Variants in SDK1 observed in about 807,000 individuals in gnomAD.
SDK1 encodes protein sidekick-1.
Under a neutral mutation model 245.5 loss-of-function variants are expected in SDK1, and 157 were observed. That is an observed-to-expected ratio of 0.64 (90% CI 0.56 to 0.73). The LOEUF (loss-of-function observed/expected upper bound fraction) is 0.73, where lower values mean the gene tolerates loss of function less well. Ranked by LOEUF, SDK1 falls within the 30% of genes least tolerant of loss-of-function variation. The pLI is 0.00. For missense variants in SDK1, 3,583 were observed against 3,002.3 expected, an observed-to-expected ratio of 1.19 and a Z score of -4.52; for synonymous variants, 1,647 against 1,278.5, an observed-to-expected ratio of 1.29 and a Z score of -6.15.
intron 1 of SDK1, among the ~76,000 whole-genome samples, chr7:3,488,144 G>A (rs189331205): frequency 6.6e-6 from 1 of 152,122 alleles, no homozygotes; most frequent in African/African-American, 2.4e-5. Context: ...TGCCATTGCT[G>A]TGTGTTTTCC....
chr7:3,554,735 T>G lies in SDK1; in HGVS notation c.299-64345T>G, dbSNP rs117834813. Among the ~76,000 whole-genome samples, 332 of 152,284 alleles carry G rather than the reference T, an allele frequency of 2.2e-3. 2 individuals carry two copies. Among genetic ancestry groups the G allele is most frequent in the Non-Finnish European group, 3.7e-3 (254 of 68,008 alleles). ...AAATATAACTGATAAACAAATTCAT[T>G]ATAGTTGCTGAATACAAAATTAACA... On this transcript the variant is annotated intron_variant, in intron 1 of 44. Coordinates refer to ENST00000404826, the MANE Select transcript of SDK1 (RefSeq NM_152744.4).
At chr7:3,833,285 G>A (rs12537696) in intron 5 of SDK1, among the ~76,000 whole-genome samples, 28,523 of 152,058 alleles carry the variant, frequency 0.19, 2,834 homozygotes, top group Middle Eastern at 0.35. Flanking sequence ...GTAGTTTGCT[G>A]TTTCACTGAT....
chr7:3,552,325 G>A (rs932711632), intron 1 of SDK1, among the ~76,000 whole-genome samples: 1 of 152,156 alleles, frequency 6.6e-6, no homozygotes, highest in South Asian at 2.1e-4. Context: ...ACAGGTGTGA[G>A]CCACCGCGCC....
At chr7:4,207,362 A>G (rs910804623) in intron 36 of SDK1, among the ~76,000 whole-genome samples, 4 of 152,326 alleles carry the variant, frequency 2.6e-5, no homozygotes. Flanking sequence ...GGTCGGAGGT[A>G]GCAGTGGTTT....
chr7:3,594,391 A>G (rs1026491265), intron 1 of SDK1, among the ~76,000 whole-genome samples: 3 of 152,212 alleles, frequency 2.0e-5, no homozygotes, highest in Admixed American at 6.5e-5. Flanking sequence ...TTTGGCTATC[A>G]TGAATAATGC....
At chr7:3,979,774 T>G (rs1783251441) in intron 13 of SDK1, among the ~76,000 whole-genome samples, 1 of 152,234 alleles carries the variant, frequency 6.6e-6, no homozygotes, top group Non-Finnish European at 1.5e-5. Flanking sequence ...TGACTTCATA[T>G]TCCCCAAAGC....
In SDK1 at chr7:3,336,031, A is replaced by G. The variant is rs1440821393; in HGVS notation, c.298+34147A>G. On this transcript the variant is annotated intron_variant, in intron 1 of 44. Transcript: ENST00000404826. ...CCACATGTCTAGTACAGGGCACTGC[A>G]GAAGCCTCCATCCCTGAACCACCAG... Among the ~76,000 whole-genome samples, 4 of 152,166 alleles carry G rather than the reference A, an allele frequency of 2.6e-5. 1 individual carries two copies. Among genetic ancestry groups the G allele is most frequent in the Admixed American group, 1.3e-4 (2 of 15,280 alleles).
intron 4 of SDK1, among the ~76,000 whole-genome samples, chr7:3,784,786 CTA>C (rs770293956): frequency 6.6e-6 from 1 of 152,204 alleles, no homozygotes; most frequent in Non-Finnish European, 1.5e-5. Flanking sequence ...TTGTGGAAAA[CTA>C]TGTGGAGATT....
intron 38 of SDK1, among the ~76,000 whole-genome samples, chr7:4,217,903 G>A (rs1041171568): frequency 6.6e-6 from 1 of 151,982 alleles, no homozygotes; most frequent in East Asian, 1.9e-4. Context: ...TTTGCTCCAG[G>A]GAGAAGGAAG....
chr7:3,580,042 A>T (rs1037259259), intron 1 of SDK1, among the ~76,000 whole-genome samples: 1 of 152,318 alleles, frequency 6.6e-6, no homozygotes, highest in South Asian at 2.1e-4. Flanking sequence ...CCCATTCTCA[A>T]TAGCCACAAA....
rs1177943410 is a variant in SDK1, at chr7:3,723,943, T to TATAGAG, written c.713+81839_713+81840insTAGAGA. On this transcript the variant is annotated intron_variant, in intron 4 of 44. Transcript: ENST00000404826. ...ATACACGTATATATATATATATATA[T>TATAGAG]AGAGAGAGAGAGAGAGAGAGAGAGA... Among the ~76,000 whole-genome samples, 11 of 89,692 alleles carry TATAGAG rather than the reference T, an allele frequency of 1.2e-4. No individual in the cohort carries two copies. The East Asian group carries it at 1.5e-3, about 12-fold the overall frequency. 58.8% of individuals were successfully genotyped at this position (89,692 alleles called of 152,430 possible).
intron 1 of SDK1, among the ~76,000 whole-genome samples, chr7:3,447,038 G>C (rs1047088211): frequency 2.6e-5 from 4 of 152,116 alleles, no homozygotes; most frequent in African/African-American, 9.7e-5. Context: ...TTCTATTTTT[G>C]TGCAAGGGAC....
At chr7:3,540,246 A>G (rs1309556639) in intron 1 of SDK1, among the ~76,000 whole-genome samples, 1 of 152,204 alleles carries the variant, frequency 6.6e-6, no homozygotes, top group Non-Finnish European at 1.5e-5. Flanking sequence ...ATCACTACTA[A>G]AAATACAAAA....
chr7:3,828,823 T>C (rs2115070291), intron 5 of SDK1, among the ~76,000 whole-genome samples: 1 of 152,120 alleles, frequency 6.6e-6, no homozygotes, highest in African/African-American at 2.4e-5. Context: ...GGCTAATTTT[T>C]TAATTTCTTT....
At chr7:3,543,488 G>A (rs1206607622) in intron 1 of SDK1, among the ~76,000 whole-genome samples, 1 of 152,216 alleles carries the variant, frequency 6.6e-6, no homozygotes, top group African/African-American at 2.4e-5. Context: ...CCTTCCTCAT[G>A]GTCTGCTCGT....
chr7:4,125,042 ATGGATGGATGGATGGGTAATGGG>A (rs1784293324), intron 25 of SDK1, among the ~76,000 whole-genome samples: 6 of 150,554 alleles, frequency 4.0e-5, no homozygotes, highest in African/African-American at 1.5e-4. Flanking sequence ...GAATGAATAG[ATGGATGGATGGATGGGTAATGGG>A]TGGATGGATG....
intron 2 of SDK1, among the ~76,000 whole-genome samples, chr7:3,624,462 G>C (rs1466544983): frequency 6.6e-6 from 1 of 152,168 alleles, no homozygotes; most frequent in East Asian, 1.9e-4. Context: ...ACCTCCCAAA[G>C]TACTGGGATT....
rs141622423 is a variant in SDK1 at position 4,147,680 on chromosome 7, C to T, written c.4424-1582C>T. 5.2e-3 allele frequency among the ~76,000 whole-genome samples: 791 copies of T among 152,264 alleles called. 10 individuals carry two copies. The highest frequency in any genetic ancestry group is 0.018 in the African/African-American group (743 of 41,552). ...TCAGTCGCCACAGACACCCGAGGTG[C>T]TTCTGCAATGTAAAGCACATGGAAG... On this transcript the variant is annotated intron_variant, in intron 29 of 44. Transcript: ENST00000404826.
At chr7:3,916,040 C>G (rs981444820) in intron 5 of SDK1, among the ~76,000 whole-genome samples, 4 of 152,126 alleles carry the variant, frequency 2.6e-5, no homozygotes, top group African/African-American at 9.7e-5. Context: ...AGGGCACACC[C>G]AGGAAAAAGA....
Sources: gnomAD v4.1 joint callset for allele counts (sites outside exome capture counted in the v4.1 genomes callset) on GRCh38, gnomAD v4.1.1 for gene constraint, MANE v1.5 for transcripts, NCBI Gene and HGNC (gene_info 2026-07-23, HGNC 2026-07-21) for gene names.